The following MMP16 variants were observed in gnomAD, a reference collection of about 807,000 sequenced individuals.
The protein encoded by MMP16 is matrix metallopeptidase 16, also known as matrix metalloproteinase-16.
A neutral mutation model predicts 67.8 loss-of-function variants in MMP16; 12 were observed. The ratio of observed to expected loss-of-function variants is 0.18; its 90% confidence interval spans 0.11 to 0.29. The LOEUF is 0.29. Ranked by LOEUF, MMP16 falls within the 10% of genes least tolerant of loss-of-function variation. MMP16 has a pLI of 1.00. For synonymous variants in MMP16, 249 were observed against 255.9 expected, an observed-to-expected ratio of 0.97 and a Z score of 0.26; for missense variants, 475 against 765.7, an observed-to-expected ratio of 0.62 and a Z score of 4.48.
intron 4 of MMP16, among the ~76,000 whole-genome samples, chr8:88,146,910 C>T (rs566617508): frequency 6.6e-6 from 1 of 152,052 alleles, no homozygotes; most frequent in Non-Finnish European, 1.5e-5. Flanking sequence ...ACTGTTTGAA[C>T]AATTTATACT....
chr8:88,199,138 C>T (rs771557473), intron 1 of MMP16, among the ~76,000 whole-genome samples: 4 of 151,950 alleles, frequency 2.6e-5, no homozygotes, highest in East Asian at 1.9e-4. Context: ...TGCTAGGTTA[C>T]TCATGGGTGC....
At chr8:88,205,108 T>A (rs1164378068) in intron 1 of MMP16, among the ~76,000 whole-genome samples, 1 of 152,200 alleles carries the variant, frequency 6.6e-6, no homozygotes, top group Admixed American at 6.5e-5. Context: ...TTTACATGCA[T>A]TATCTTTAAT....
At chr8:88,186,259 A>C in intron 3 of MMP16, 1 of 407,286 alleles carries the variant, frequency 2.5e-6, no homozygotes. Context: ...AGAAGCTGGA[A>C]TAGTTTACAA....
rs996749747 is a variant in MMP16 at position 88,153,067 on chromosome 8, A to T, written c.709+14602T>A. 3.7e-5 allele frequency among the ~76,000 whole-genome samples: 5 copies of T among 134,602 alleles called. No homozygotes were observed. The Admixed American group carries it at 3.9e-4, about 10-fold the overall frequency. The allele number at this position is 134,602 out of a possible 152,430, so 88.3% of individuals were successfully genotyped here. A position where few individuals can be genotyped will look rare whatever the true frequency, so the allele number is the denominator to read the frequency against. On this transcript the variant is annotated intron_variant, in intron 4 of 9. Coordinates refer to ENST00000286614, the MANE Select transcript of MMP16 (RefSeq NM_005941.5). ...AAAATCACAAGCATTCTTATACACC[A>T]GCAACAGACAAACAGAGAGCCAAAT...
chr8:88,314,056 C>T (rs991544594), intron 1 of MMP16, among the ~76,000 whole-genome samples: 2 of 152,162 alleles, frequency 1.3e-5, no homozygotes, highest in Admixed American at 6.5e-5. Flanking sequence ...TATTAGGTAA[C>T]GTGCAGCTGT....
chr8:88,289,689 AACACACAC>A (rs4043664), intron 1 of MMP16, among the ~76,000 whole-genome samples: 29,264 of 144,090 alleles, frequency 0.2, 2,907 homozygotes, highest in Non-Finnish European at 0.22. Flanking sequence ...TCCTAGAGGA[AACACACAC>A]ACACACACAC....
intron 7 of MMP16, among the ~76,000 whole-genome samples, chr8:88,068,372 A>T (rs1301594215): frequency 6.6e-6 from 1 of 152,132 alleles, no homozygotes; most frequent in East Asian, 1.9e-4. Flanking sequence ...TATTCACTTA[A>T]AAGTGTCTTT....
chr8:88,305,196 G>A lies in MMP16; in HGVS notation c.132+21879C>T, dbSNP rs7818906. Among the ~76,000 whole-genome samples the A allele has an allele frequency of 6.3e-3, 952 of 152,250 alleles. 6 individuals are homozygous for A. Among genetic ancestry groups the A allele is most frequent in the African/African-American group, 0.022 (904 of 41,548 alleles). On this transcript the variant is annotated intron_variant, in intron 1 of 9. Transcript: ENST00000286614. ...ACCAACAAAGATCAAAAAATACAAA[G>A]AAGAGCATTACATGATGGTAAATGG...
chr8:88,143,745 C>T (rs1412827070), intron 4 of MMP16, among the ~76,000 whole-genome samples: 17 of 151,650 alleles, frequency 1.1e-4, no homozygotes, highest in Non-Finnish European at 1.5e-5. Flanking sequence ...GTTTTTAAGG[C>T]AGAAATTCAT....
At chr8:88,078,088 C>T (rs1250484507) in intron 6 of MMP16, among the ~76,000 whole-genome samples, 1 of 151,936 alleles carries the variant, frequency 6.6e-6, no homozygotes, top group African/African-American at 2.4e-5. Context: ...GTTTTCTTCT[C>T]TCTCCCTCTT....
At chr8:88,128,842 G>T (rs964468538) in intron 4 of MMP16, among the ~76,000 whole-genome samples, 10 of 151,754 alleles carry the variant, frequency 6.6e-5, no homozygotes, top group Non-Finnish European at 8.8e-5. Flanking sequence ...CTGGATGGTG[G>T]TCAGACTCAT....
chr8:88,311,076 AAATAAG>A (rs1201822272), intron 1 of MMP16, among the ~76,000 whole-genome samples: 5 of 152,328 alleles, frequency 3.3e-5, no homozygotes, highest in South Asian at 2.1e-4. Context: ...GATACTTTAA[AAATAAG>A]AATAAGTTAT....
At chr8:88,057,317 C>T (rs1225046076) in intron 7 of MMP16, among the ~76,000 whole-genome samples, 1 of 152,096 alleles carries the variant, frequency 6.6e-6, no homozygotes, top group East Asian at 1.9e-4. Flanking sequence ...GGAAGGGCCA[C>T]AAACTCAAAT....
At chr8:88,271,726 G>A (rs767552636) in intron 1 of MMP16, among the ~76,000 whole-genome samples, 4 of 152,090 alleles carry the variant, frequency 2.6e-5, no homozygotes, top group Non-Finnish European at 5.9e-5. Context: ...ATGATCCCAC[G>A]GACACAAATG....
intron 4 of MMP16, among the ~76,000 whole-genome samples, chr8:88,147,182 T>G (rs1162020558): frequency 1.3e-5 from 2 of 152,074 alleles, no homozygotes; most frequent in Non-Finnish European, 2.9e-5. Context: ...ACTATAGTTT[T>G]TTCTGATGCA....
chr8:88,108,857 A>T lies in MMP16; in HGVS notation c.1083+7650T>A, dbSNP rs192006518. Among the ~76,000 whole-genome samples the T allele has an allele frequency of 3.0e-4, 46 of 151,504 alleles. 1 individual carries two copies. The highest frequency in any genetic ancestry group is 6.1e-4 in the Non-Finnish European group (41 of 67,570). On this transcript the variant is annotated intron_variant, in intron 6 of 9. Coordinates refer to ENST00000286614, the MANE Select transcript of MMP16 (RefSeq NM_005941.5). Reference sequence around the variant, plus strand: ...GCTTGGTAAATCTCTCCATTTATCAATTCTTTTAGATTTCCATCATTAAAG... The same window carrying T: ...GCTTGGTAAATCTCTCCATTTATCATTTCTTTTAGATTTCCATCATTAAAG...
At chr8:88,130,619 A>G (rs1381931801) in intron 4 of MMP16, among the ~76,000 whole-genome samples, 2 of 151,784 alleles carry the variant, frequency 1.3e-5, no homozygotes, top group Non-Finnish European at 2.9e-5. Context: ...CAAATATTTG[A>G]AAGGCCTGGG....
intron 1 of MMP16, among the ~76,000 whole-genome samples, chr8:88,253,450 G>A (rs1265288821): frequency 6.6e-6 from 1 of 152,058 alleles, no homozygotes; most frequent in Non-Finnish European, 1.5e-5. Context: ...CATGTTAACA[G>A]TATGTACCTC....
intron 2 of MMP16, among the ~76,000 whole-genome samples, chr8:88,188,846 G>T (rs1442724855): frequency 6.6e-6 from 1 of 151,972 alleles, no homozygotes; most frequent in East Asian, 1.9e-4. Flanking sequence ...GTAGAGACAG[G>T]GTTTCTTCGT....
Sources: gnomAD v4.1 joint callset for allele counts (sites outside exome capture counted in the v4.1 genomes callset) on GRCh38, gnomAD v4.1.1 for gene constraint, MANE v1.5 for transcripts, NCBI Gene and HGNC (gene_info 2026-07-23, HGNC 2026-07-21) for gene names.